Variants in DHRS12 observed in about 807,000 individuals in gnomAD.
DHRS12 encodes dehydrogenase/reductase SDR family member 12.
A neutral mutation model predicts 32.1 loss-of-function variants in DHRS12; 29 were observed. That is an observed-to-expected ratio of 0.90 (90% CI 0.67 to 1.23). The LOEUF (loss-of-function observed/expected upper bound fraction) is 1.23. DHRS12 is among the 50% of genes most tolerant of loss of function. DHRS12 has a pLI of 0.00. For missense variants in DHRS12, 330 were observed against 337.2 expected, an observed-to-expected ratio of 0.98 and a Z score of 0.17; for synonymous variants, 150 against 135.9, an observed-to-expected ratio of 1.10 and a Z score of -0.72.
intron 7 of DHRS12, chr13:51,771,540 G>C (rs1480840961): frequency 6.2e-7 from 1 of 1,610,646 alleles, no homozygotes; most frequent in Non-Finnish European, 8.5e-7. Flanking sequence ...CTCTCACCAG[G>C]ATATGCTGTA....
intron 6 of DHRS12, among the ~76,000 whole-genome samples, chr13:51,773,309 A>T: frequency 6.6e-6 from 1 of 152,250 alleles, no homozygotes; most frequent in East Asian, 1.9e-4. Flanking sequence ...AGGGGATTTT[A>T]TACAATATTT....
intron 4 of DHRS12, chr13:51,789,573 G>A: frequency 1.0e-6 from 1 of 985,426 alleles, no homozygotes; most frequent in Non-Finnish European, 1.2e-6. Context: ...ACTTCACTCT[G>A]CTATTACAGA....
intron 4 of DHRS12, among the ~76,000 whole-genome samples, chr13:51,788,573 A>C (rs1955105990): frequency 6.6e-6 from 1 of 152,072 alleles, no homozygotes; most frequent in African/African-American, 2.4e-5. Context: ...GCCTGGGCGC[A>C]GTGACTCACA....
At chr13:51,802,842 G>A (rs1955822244) in intron 1 of DHRS12, among the ~76,000 whole-genome samples, 1 of 152,194 alleles carries the variant, frequency 6.6e-6, no homozygotes, top group African/African-American at 2.4e-5. Context: ...GGTGGATTGG[G>A]CCCCTTGGCC....
At chr13:51,788,937 C>T (rs924646632) in intron 4 of DHRS12, among the ~76,000 whole-genome samples, 3 of 152,116 alleles carry the variant, frequency 2.0e-5, no homozygotes, top group African/African-American at 4.8e-5. Context: ...CCCTTCTCCT[C>T]TTTCTGGGGA....
chr13:51,804,068 C>T lies in DHRS12; in HGVS notation c.-23G>A. On this transcript the variant is annotated 5_prime_UTR_variant, in exon 1 of 9. Transcript: ENST00000444610. ...CGCCGCCTTACTTGGTGTACTCGCG[C>T]AGCCCCTTGGCGAACCACACGACGC... The T allele has an allele frequency of 6.7e-7, 1 of 1,489,452 alleles. No individual in the cohort carries two copies. Among genetic ancestry groups the T allele is most frequent in the South Asian group, 1.3e-5 (1 of 79,560 alleles). The allele number at this position is 1,489,452 out of a possible 1,614,324, so 92.3% of individuals were successfully genotyped here.
intron 4 of DHRS12, among the ~76,000 whole-genome samples, chr13:51,778,274 G>A (rs1015138633): frequency 5.9e-5 from 9 of 152,252 alleles, no homozygotes; most frequent in African/African-American, 1.9e-4. Context: ...GTGAGGACTG[G>A]AAAGTTCTCT....
chr13:51,770,892 T>C, intron 7 of DHRS12: 3 of 1,160,564 alleles, frequency 2.6e-6, no homozygotes, highest in Non-Finnish European at 3.2e-6. Flanking sequence ...TGTTCTATAA[T>C]TTATTAACTT....
At chr13:51,759,796 G>C in the DHRS12 span, 14 of 1,612,094 alleles carry the variant, frequency 8.7e-6, no homozygotes, top group Non-Finnish European at 1.2e-5. Context: ...CAGAAAGATA[G>C]TATTTACTAA....
At chr13:51,771,138 C>T (rs911954556) in intron 7 of DHRS12, 1 of 1,513,694 alleles carries the variant, frequency 6.6e-7, no homozygotes, top group African/African-American at 1.4e-5. Flanking sequence ...GGCCACTCCA[C>T]AGAGGCTTGA....
At chr13:51,756,472 T>C in the DHRS12 span, 4 of 1,612,152 alleles carry the variant, frequency 2.5e-6, no homozygotes, top group African/African-American at 1.3e-5. Flanking sequence ...AGTAAGTTCC[T>C]GCAGCCTGCA....
intron 1 of DHRS12, 72 bp downstream of exon 1, chr13:51,803,982 C>A: frequency 7.5e-7 from 1 of 1,339,844 alleles, no homozygotes. Flanking sequence ...GCGTCCCCGC[C>A]AACCCTGCTC....
Position 51,771,572 on chromosome 13 carries a change from C to T in DHRS12, c.559+249G>A, listed in dbSNP as rs964116256. On this transcript the variant is annotated intron_variant, in intron 7 of 8. Coordinates refer to ENST00000444610, the MANE Select transcript of DHRS12 (RefSeq NM_001377533.1). ...TGTAGTTAGCAGGGCGCCCCAGGCG[C>T]ACCTGCTCCCGTTCCCACCATCTCC... 3.4e-5 allele frequency: 53 copies of T among 1,566,012 alleles called. No homozygotes were observed. The African/African-American group carries it at 6.2e-4, about 18-fold the overall frequency.
In DHRS12 at chr13:51,769,227, C is replaced by A. The variant is rs1162765115; in HGVS notation, c.626G>T (p.Gly209Val). The change falls in exon 8 of 9, where the codon GGC becomes GTC. Residue 209 changes from glycine (G) to valine (V), a missense_variant. Transcript: ENST00000444610. ...FGDRLRSEAQ[G>V]ADTMLWLALS... ...GGCCAGCCACAGCATGGTGTCCGCG[C>A]CCTGGGCCTCGGAGCGCAGGCGGTC... 6.3e-7 allele frequency: 1 copy of A among 1,584,978 alleles called. No individual in the cohort carries two copies. The highest frequency in any genetic ancestry group is 8.6e-7 in the Non-Finnish European group (1 of 1,166,988).
chr13:51,768,721 A>G (rs1953868910), intron 8 of DHRS12: 3 of 1,125,126 alleles, frequency 2.7e-6, no homozygotes, highest in South Asian at 5.6e-5. Context: ...CTGCCCCCTT[A>G]GGAGCCCACT....
the DHRS12 span, among the ~76,000 whole-genome samples, chr13:51,756,032 C>G: frequency 6.6e-6 from 1 of 151,640 alleles, no homozygotes; most frequent in African/African-American, 2.4e-5. Context: ...TTAAGATCAC[C>G]TGGCCCCTGG....
intron 4 of DHRS12, among the ~76,000 whole-genome samples, chr13:51,787,699 T>C (rs1010646269): frequency 7.1e-6 from 1 of 140,778 alleles, no homozygotes; most frequent in African/African-American, 2.6e-5. Context: ...TATAAATATA[T>C]ATAAATATAT....
chr13:51,781,889 G>C (rs1405614614), intron 4 of DHRS12, among the ~76,000 whole-genome samples: 1 of 152,188 alleles, frequency 6.6e-6, no homozygotes, highest in Non-Finnish European at 1.5e-5. Flanking sequence ...GGAAGCCTCT[G>C]TTCGGGAGGT....
At position 51,769,167 on chromosome 13, in the gene DHRS12, C is replaced by G; in HGVS notation, c.686G>C (p.Arg229Pro). ...AGGGAGGAAGTCACCTTGAAAGAAG[C>G]GGCCGCTGGGCTGTGCGGCTGCGGC... ...SSAAAAQPSG[R>P]FFQDRKPVST... is the part of the protein sequence containing the mutation. The change falls in exon 8 of 9, where the codon CGC (arginine) becomes CCC (proline). Residue 229 changes from arginine (R) to proline (P), a missense_variant. By Grantham distance (103) the Arg-to-Pro change is moderately radical. Coordinates refer to ENST00000444610, the MANE Select transcript of DHRS12 (RefSeq NM_001377533.1). The G allele has an allele frequency of 1.3e-6, 2 of 1,550,212 alleles. No homozygotes were observed. The highest frequency in any genetic ancestry group is 2.4e-5 in the South Asian group (2 of 84,080).
Sources: allele counts gnomAD v4.1 joint callset (sites outside exome capture counted in the v4.1 genomes callset), GRCh38; gene constraint gnomAD v4.1.1; transcripts MANE v1.5; gene names NCBI Gene and HGNC (gene_info 2026-07-23, HGNC 2026-07-21).